The following COX7B2 variants were observed in gnomAD, a reference collection of about 807,000 sequenced individuals.
COX7B2 encodes the protein cytochrome c oxidase subunit 7B2.
For missense variants in COX7B2, 109 were observed against 95.9 expected, an observed-to-expected ratio of 1.14 and a Z score of -0.57; for synonymous variants, 37 against 32.1, an observed-to-expected ratio of 1.15 and a Z score of -0.51.
At chr4:46,895,649 T>A (rs571312260) in intron 1 of COX7B2, among the ~76,000 whole-genome samples, 15 of 152,248 alleles carry the variant, frequency 9.9e-5, no homozygotes, top group African/African-American at 3.1e-4. Flanking sequence ...AAAATAAAAG[T>A]TTTTTTAAGT....
chr4:46,832,380 T>C (rs905129875), intron 2 of COX7B2, among the ~76,000 whole-genome samples: 2 of 152,146 alleles, frequency 1.3e-5, no homozygotes, highest in Admixed American at 6.5e-5. Flanking sequence ...AGCTTCATTC[T>C]TAAAGTCAGT....
At chr4:46,755,361 T>C (rs1233111145) in intron 2 of COX7B2, among the ~76,000 whole-genome samples, 1 of 151,998 alleles carries the variant, frequency 6.6e-6, no homozygotes, top group Non-Finnish European at 1.5e-5. Flanking sequence ...GTTGAAATCA[T>C]TCCCTCTGAT....
intron 2 of COX7B2, among the ~76,000 whole-genome samples, chr4:46,831,716 T>G (rs1405603873): frequency 6.6e-6 from 1 of 152,126 alleles, no homozygotes; most frequent in Non-Finnish European, 1.5e-5. Flanking sequence ...TAAGGGATTG[T>G]GATACACCAA....
At chr4:46,902,821 G>A (rs144005164) in intron 1 of COX7B2, among the ~76,000 whole-genome samples, 1,656 of 152,228 alleles carry the variant, frequency 0.011, 26 homozygotes, top group African/African-American at 0.038. Context: ...AGGTTGCAGT[G>A]AGCCCAGATC....
In COX7B2 at chr4:46,785,643, T is replaced by C. The variant is rs55734863; in HGVS notation, c.-49-50402A>G. Among the ~76,000 whole-genome samples, 1,217 of 152,342 alleles carry C rather than the reference T, an allele frequency of 8.0e-3. 18 individuals carry two copies. Among genetic ancestry groups the C allele is most frequent in the African/African-American group, 0.027 (1,136 of 41,574 alleles). On this transcript the variant is annotated intron_variant, in intron 2 of 2. Coordinates refer to ENST00000355591, the MANE Select transcript of COX7B2 (RefSeq NM_130902.3). Reference sequence around the variant, plus strand: ...ACGTGTAAAGCCTTTTTATGCTCACTTCATTGCCTTATTCTACCCAAATTA... The same window carrying C: ...ACGTGTAAAGCCTTTTTATGCTCACCTCATTGCCTTATTCTACCCAAATTA...
chr4:46,782,921 G>A (rs112051247), intron 2 of COX7B2, among the ~76,000 whole-genome samples: 9 of 151,938 alleles, frequency 5.9e-5, no homozygotes, highest in East Asian at 1.9e-4. Context: ...AACACTCACC[G>A]TGAGGGTCCG....
At chr4:46,798,728 C>A (rs1577718176) in intron 2 of COX7B2, among the ~76,000 whole-genome samples, 3 of 152,064 alleles carry the variant, frequency 2.0e-5, no homozygotes. Context: ...TCTGACATAC[C>A]AAGCCATAAA....
At chr4:46,880,993 T>TAAAAAA (rs1215385422) in intron 1 of COX7B2, among the ~76,000 whole-genome samples, 48 of 102,808 alleles carry the variant, frequency 4.7e-4, no homozygotes, top group African/African-American at 1.3e-3. Flanking sequence ...TAGAGTATAA[T>TAAAAAA]AAAAAAAAAA....
chr4:46,855,332 ATTAT>A (rs1395783982), intron 1 of COX7B2, among the ~76,000 whole-genome samples: 5 of 152,038 alleles, frequency 3.3e-5, no homozygotes, highest in Non-Finnish European at 2.9e-5. Flanking sequence ...ATATTTATAT[ATTAT>A]TTATTTGATT....
chr4:46,735,920 C>A (rs1480299142), intron 2 of COX7B2, among the ~76,000 whole-genome samples: 1 of 152,048 alleles, frequency 6.6e-6, no homozygotes, highest in Non-Finnish European at 1.5e-5. Flanking sequence ...ATTGAGAGTT[C>A]CCATGTACCC....
At chr4:46,797,092 T>A (rs1437138435) in intron 2 of COX7B2, among the ~76,000 whole-genome samples, 571 of 62,398 alleles carry the variant, frequency 9.2e-3, no homozygotes, top group East Asian at 0.013. Context: ...TAGAGTATAA[T>A]AAAAAAAAAA....
At chr4:46,755,948 T>G (rs1386855042) in intron 2 of COX7B2, among the ~76,000 whole-genome samples, 1 of 152,020 alleles carries the variant, frequency 6.6e-6, no homozygotes, top group African/African-American at 2.4e-5. Context: ...TTTCACAAAA[T>G]TATTTAAAAT....
chr4:46,893,459 C>T (rs1719562736), intron 1 of COX7B2, among the ~76,000 whole-genome samples: 1 of 152,156 alleles, frequency 6.6e-6, no homozygotes, highest in Non-Finnish European at 1.5e-5. Flanking sequence ...ATGCCTCCTT[C>T]ATTTGTTTAT....
chr4:46,792,316 A>G (rs1718091289), intron 2 of COX7B2, among the ~76,000 whole-genome samples: 1 of 152,176 alleles, frequency 6.6e-6, no homozygotes, highest in African/African-American at 2.4e-5. Context: ...GGATGCCCAG[A>G]TATCTGGCTA....
intron 1 of COX7B2, among the ~76,000 whole-genome samples, chr4:46,893,236 G>A (rs1719547576): frequency 6.6e-6 from 1 of 152,092 alleles, no homozygotes; most frequent in East Asian, 1.9e-4. Context: ...ATGTCTGAGA[G>A]GAATATGTAA....
chr4:46,898,893 A>G (rs1019035345), intron 1 of COX7B2, among the ~76,000 whole-genome samples: 1 of 152,178 alleles, frequency 6.6e-6, no homozygotes, highest in Non-Finnish European at 1.5e-5. Context: ...TATCAAATTC[A>G]CTGATAGAAT....
intron 2 of COX7B2, among the ~76,000 whole-genome samples, chr4:46,799,072 G>C (rs1179832372): frequency 6.6e-6 from 1 of 152,168 alleles, no homozygotes; most frequent in Non-Finnish European, 1.5e-5. Flanking sequence ...TTCACCTTCA[G>C]AAGCTCTGGT....
At chr4:46,849,535 A>G (rs1007150634) in intron 1 of COX7B2, among the ~76,000 whole-genome samples, 4 of 152,132 alleles carry the variant, frequency 2.6e-5, no homozygotes, top group Non-Finnish European at 4.4e-5. Context: ...GCAGCTTTCC[A>G]AAATGATTTG....
chr4:46,785,534 G>A (rs900105563), intron 2 of COX7B2, among the ~76,000 whole-genome samples: 8 of 152,054 alleles, frequency 5.3e-5, no homozygotes, highest in Non-Finnish European at 7.4e-5. Flanking sequence ...CACCACACCC[G>A]GCTATGATAC....
Sources: gnomAD v4.1 joint callset for allele counts (sites outside exome capture counted in the v4.1 genomes callset) on GRCh38, gnomAD v4.1.1 for gene constraint, MANE v1.5 for transcripts, NCBI Gene and HGNC (gene_info 2026-07-23, HGNC 2026-07-21) for gene names.